Variants in ZNF600 observed in about 807,000 individuals in gnomAD.
ZNF600 encodes zinc finger protein 600.
ZNF600 carries 4 observed loss-of-function variants against 7.3 expected under a neutral mutation model. The ratio of observed to expected loss-of-function variants is 0.55; its 90% CI spans 0.27 to 1.25. ZNF600 has a LOEUF of 1.25. Among genes scored for constraint, ZNF600 ranks in the 50% most tolerant of loss-of-function variants. The pLI is 0.12. For missense variants in ZNF600, 911 were observed against 922.1 expected, an observed-to-expected ratio of 0.99 and a Z score of 0.16; for synonymous variants, 290 against 308.9, an observed-to-expected ratio of 0.94 and a Z score of 0.64.
At chr19:52,776,681 A>G (rs981951909) in intron 2 of ZNF600, among the ~76,000 whole-genome samples, 4 of 152,198 alleles carry the variant, frequency 2.6e-5, no homozygotes, top group Non-Finnish European at 5.9e-5. Flanking sequence ...AATGAAAAAT[A>G]GTTAAAATCA....
intron 3 of ZNF600, among the ~76,000 whole-genome samples, chr19:52,771,645 T>C (rs1269434209): frequency 5.3e-5 from 8 of 152,128 alleles, no homozygotes; most frequent in Non-Finnish European, 8.8e-5. Context: ...ACCCAGCTAA[T>C]TTTTGTATTT....
chr19:52,801,406 G>A, the ZNF600 span: 1 of 1,614,068 alleles, frequency 6.2e-7, no homozygotes, highest in Admixed American at 1.7e-5. Flanking sequence ...TCAGGCAGAT[G>A]CGAATGAAAG....
chr19:52,814,506 A>T, the ZNF600 span: 4 of 146,226 alleles, frequency 2.7e-5, 1 homozygote, highest in Admixed American at 1.4e-4. Context: ...AAACAGGAGA[A>T]TCACTTGAAC....
At chr19:52,811,627 T>TA in the ZNF600 span, among the ~76,000 whole-genome samples, 1 of 120,840 alleles carries the variant, frequency 8.3e-6, no homozygotes, top group African/African-American at 3.6e-5. Flanking sequence ...GGCCGCCCCG[T>TA]CTGAGAAGTG....
chr19:52,765,908 C>T (rs376974142), exon 4 of ZNF600: 62 of 1,613,932 alleles, frequency 3.8e-5, no homozygotes, highest in Non-Finnish European at 4.7e-5. Context: ...TAAAAGCCTT[C>T]CCACATTCAT....
At chr19:52,828,825 C>T in the ZNF600 span, among the ~76,000 whole-genome samples, 1 of 152,130 alleles carries the variant, frequency 6.6e-6, no homozygotes. Context: ...GTTGACTACT[C>T]ATGAATAAGA....
At chr19:52,826,390 G>A in the ZNF600 span, among the ~76,000 whole-genome samples, 1 of 151,970 alleles carries the variant, frequency 6.6e-6, no homozygotes, top group African/African-American at 2.4e-5. Context: ...GACCAATGTG[G>A]TGAAACCCTG....
chr19:52,822,035 T>G, the ZNF600 span, among the ~76,000 whole-genome samples: 1 of 151,528 alleles, frequency 6.6e-6, no homozygotes, highest in East Asian at 1.9e-4. Flanking sequence ...GATCTATTAC[T>G]TTCTCCTTTT....
At chr19:52,810,749 G>C in the ZNF600 span, 3 of 562,110 alleles carry the variant, frequency 5.3e-6, no homozygotes, top group Non-Finnish European at 9.2e-6. Context: ...AAAGAGGAAA[G>C]AAGGGGAAAA....
chr19:52,777,504 G>A (rs1056361562), intron 2 of ZNF600, among the ~76,000 whole-genome samples: 3 of 152,122 alleles, frequency 2.0e-5, no homozygotes, highest in African/African-American at 7.2e-5. Context: ...TTGCACCACT[G>A]CACTCCAGCC....
the ZNF600 span, among the ~76,000 whole-genome samples, chr19:52,820,581 C>T: frequency 0.05 from 7,478 of 150,194 alleles, 136 homozygotes; most frequent in African/African-American, 0.095. Flanking sequence ...GTGTCCTCCC[C>T]GCTGTGCTTC....
At chr19:52,782,817 G>T (rs1453696648) in intron 1 of ZNF600, among the ~76,000 whole-genome samples, 1 of 151,996 alleles carries the variant, frequency 6.6e-6, no homozygotes, top group African/African-American at 2.4e-5. Flanking sequence ...GGAGGTTGCA[G>T]TGAGTAAAGA....
the ZNF600 span, among the ~76,000 whole-genome samples, chr19:52,831,718 A>G: frequency 1.3e-5 from 2 of 151,918 alleles, no homozygotes; most frequent in Non-Finnish European, 2.9e-5. Context: ...GTTAGCCAGG[A>G]TGGTCTCGAT....
chr19:52,766,303 G>T, exon 4 of ZNF600: 3 of 1,614,186 alleles, frequency 1.9e-6, no homozygotes, highest in Non-Finnish European at 2.5e-6. Flanking sequence ...TGTTTTGCCA[G>T]ATAGGAATGA....
At position 52,766,366 on chromosome 19, in the gene ZNF600, G is replaced by C. The variant is rs142429914; in HGVS notation, c.1597C>G (p.His533Asp). The change falls in exon 4 of 4, where the codon CAC (histidine) becomes GAC (aspartate). Residue 533 changes from histidine to aspartate, a missense_variant. His to Asp is a moderately conservative substitution (Grantham distance 81). Transcript: ENST00000648973. Reference sequence around the variant, plus strand: ...CATTTGTATGGTTTCTCTCCGGTGTGAATTATCTTATGTGTCTCAAGGGTT... The same window carrying C: ...CATTTGTATGGTTTCTCTCCGGTGTCAATTATCTTATGTGTCTCAAGGGTT... 3.7e-6 allele frequency: 6 copies of C among 1,614,046 alleles called. No individual in the cohort carries two copies. The highest frequency in any genetic ancestry group is 1.1e-5 in the South Asian group (1 of 91,088).
intron 3 of ZNF600, among the ~76,000 whole-genome samples, chr19:52,771,155 G>C (rs1416748484): frequency 1.3e-5 from 2 of 151,964 alleles, no homozygotes; most frequent in African/African-American, 2.4e-5. Context: ...TTTATAAAAA[G>C]AGACAGTAAA....
the ZNF600 span, among the ~76,000 whole-genome samples, chr19:52,797,205 A>G: frequency 6.6e-6 from 1 of 152,242 alleles, no homozygotes; most frequent in Non-Finnish European, 1.5e-5. Context: ...CCTACCAAAA[A>G]TAGTTAGAGA....
the ZNF600 span, among the ~76,000 whole-genome samples, chr19:52,804,300 TTTTG>T: frequency 6.6e-6 from 1 of 152,130 alleles, no homozygotes; most frequent in Non-Finnish European, 1.5e-5. Flanking sequence ...CAATTTCCTT[TTTTG>T]TTTGTTTTTG....
the ZNF600 span, among the ~76,000 whole-genome samples, chr19:52,804,595 T>C: frequency 6.6e-6 from 1 of 152,194 alleles, no homozygotes; most frequent in Non-Finnish European, 1.5e-5. Context: ...TGTCTCAAAC[T>C]CGTGACCTCA....
Sources: gnomAD v4.1 joint callset for allele counts (sites outside exome capture counted in the v4.1 genomes callset) on GRCh38, gnomAD v4.1.1 for gene constraint, MANE v1.5 for transcripts, NCBI Gene and HGNC (gene_info 2026-07-23, HGNC 2026-07-21) for gene names.